Variants in CDC37L1 observed in about 807,000 individuals in gnomAD.
The protein encoded by CDC37L1 is cell division cycle 37 like 1, HSP90 cochaperone.
Under a neutral mutation model 45.9 loss-of-function variants are expected in CDC37L1, and 32 were observed. The observed-to-expected ratio is 0.70, with a 90% CI of 0.53 to 0.94. The LOEUF is 0.94. Among genes scored for constraint, CDC37L1 ranks in the 40% least tolerant of loss-of-function variants. The probability of loss-of-function intolerance (pLI) is 0.00; values close to 1 mark genes in which losing one functional copy is unlikely to be tolerated. For synonymous variants in CDC37L1, 150 were observed against 133.0 expected (o/e 1.13, Z -0.88); for missense variants, 434 against 405.7 (o/e 1.07, Z -0.60).
At chr9:4,682,568 G>A (rs931913402) in intron 1 of CDC37L1, among the ~76,000 whole-genome samples, 3 of 151,636 alleles carry the variant, frequency 2.0e-5, no homozygotes, top group Non-Finnish European at 2.9e-5. Flanking sequence ...CTCGTGATCC[G>A]CCCGCCTCGG....
chr9:4,697,781 G>T lies in CDC37L1; in HGVS notation c.649G>T (p.Ala217Ser). The change falls in exon 5 of 7, where the codon GCA becomes TCA. Residue 217 changes from alanine (A) to serine (S), a missense_variant. Ala to Ser is a moderately conservative substitution (Grantham distance 99). Coordinates refer to ENST00000381854, the MANE Select transcript of CDC37L1 (RefSeq NM_017913.4). ...GAAAGGGGCTTTAATGGAACAAATA[G>T]CACATCAAGCTGTTGTAATGCAGTT... is the stretch of plus-strand genomic sequence containing the variant. Reference protein sequence around the residue: ...EKKGALMEQIAHQAVVMQFIM... With the variant: ...EKKGALMEQISHQAVVMQFIM... 6.5e-7 allele frequency: 1 copy of T among 1,533,934 alleles called. No homozygotes were observed.
chr9:4,697,732 C>T, intron 4 of CDC37L1, 25 bp from the exon 5 acceptor site: 2 of 1,167,128 alleles, frequency 1.7e-6, no homozygotes, highest in Non-Finnish European at 1.2e-6. Flanking sequence ...ATATTTGTTT[C>T]TTATATCATT....
intron 3 of CDC37L1, among the ~76,000 whole-genome samples, chr9:4,691,529 G>T (rs1841300760): frequency 6.6e-6 from 1 of 152,102 alleles, no homozygotes; most frequent in African/African-American, 2.4e-5. Context: ...CCAGTTGGAG[G>T]CTTTCTGGAC....
chr9:4,696,872 A>T (rs2130851391), intron 3 of CDC37L1, among the ~76,000 whole-genome samples: 1 of 152,350 alleles, frequency 6.6e-6, no homozygotes, highest in African/African-American at 2.4e-5. Flanking sequence ...ACTTCCTGTG[A>T]ATTTTAGGAG....
At chr9:4,681,358 G>C (rs140506372) in intron 1 of CDC37L1, among the ~76,000 whole-genome samples, 1 of 152,274 alleles carries the variant, frequency 6.6e-6, no homozygotes, top group African/African-American at 2.4e-5. Context: ...CATGTAACTA[G>C]TTAGTGGCCA....
At chr9:4,685,393 T>C (rs1841238097) in intron 2 of CDC37L1, 1 of 399,482 alleles carries the variant, frequency 2.5e-6, no homozygotes, top group Non-Finnish European at 4.6e-6. Flanking sequence ...TATATAAATG[T>C]ACTGCTGAAC....
At position 4,701,923 on chromosome 9, in the gene CDC37L1, A is replaced by T; in HGVS notation, c.807A>T (p.Arg269Ser). The T allele has an allele frequency of 6.2e-7, 1 of 1,603,226 alleles. No homozygotes were observed. The highest frequency in any genetic ancestry group is 8.5e-7 in the Non-Finnish European group (1 of 1,175,384). Residue 269 changes from arginine (R) to serine (S), a missense_variant, in exon 6 of 7, where the codon AGA becomes AGT. Coordinates refer to ENST00000381854, the MANE Select transcript of CDC37L1 (RefSeq NM_017913.4). ...ATGAACTTGAAGCTTTCAAGTCAAG[A>T]GTAAGACTTTATTCTCAATCACAAA... ...FKNELEAFKS[R>S]VRLYSQSQSF...
intron 1 of CDC37L1, among the ~76,000 whole-genome samples, chr9:4,680,913 C>A (rs1433073305): frequency 6.6e-6 from 1 of 152,194 alleles, no homozygotes; most frequent in Non-Finnish European, 1.5e-5. Context: ...TTATGTCCAG[C>A]TAACAGGGTT....
At chr9:4,683,147 A>C (rs572719107) in intron 1 of CDC37L1, among the ~76,000 whole-genome samples, 2 of 145,894 alleles carry the variant, frequency 1.4e-5, no homozygotes, top group South Asian at 4.2e-4. Context: ...ATATGAATAT[A>C]TATTATAAAA....
chr9:4,708,278 CAAATT>C lies in CDC37L1; in HGVS notation c.*2170_*2174del, dbSNP rs1323179478. 1.3e-5 allele frequency: 2 copies of C among 152,102 alleles called. No homozygotes were observed. Among genetic ancestry groups the C allele is most frequent in the Non-Finnish European group, 2.9e-5 (2 of 68,008 alleles). 9.4% of individuals were successfully genotyped at this position (152,102 alleles called of 1,614,324 possible). ...TTCAGGTTGGACAATTTACCCTAAACAAATTAAACCATGGAAAGTGCAAACACATG... is the reference window on the plus strand; with the variant it reads ...TTCAGGTTGGACAATTTACCCTAAACAAACCATGGAAAGTGCAAACACATG... On this transcript the variant is annotated 3_prime_UTR_variant, in exon 7 of 7. Coordinates refer to ENST00000381854, the MANE Select transcript of CDC37L1 (RefSeq NM_017913.4).
intron 3 of CDC37L1, among the ~76,000 whole-genome samples, chr9:4,696,875 T>C (rs1398920127): frequency 2.0e-5 from 3 of 152,226 alleles, no homozygotes; most frequent in African/African-American, 7.2e-5. Flanking sequence ...TCCTGTGAAT[T>C]TTAGGAGCTA....
At chr9:4,692,209 CATTTA>C (rs1305956506) in intron 3 of CDC37L1, among the ~76,000 whole-genome samples, 1 of 151,540 alleles carries the variant, frequency 6.6e-6, no homozygotes, top group African/African-American at 2.4e-5. Context: ...TTTTGAAAAA[CATTTA>C]ATATAAAGCA....
chr9:4,689,323 C>CT (rs78778632), intron 3 of CDC37L1, among the ~76,000 whole-genome samples: 3,344 of 144,596 alleles, frequency 0.023, 132 homozygotes, highest in African/African-American at 0.079. Flanking sequence ...AGGTTTAAAA[C>CT]TTTTTTTTTT....
intron 1 of CDC37L1, among the ~76,000 whole-genome samples, chr9:4,681,495 T>C (rs967913779): frequency 6.6e-6 from 1 of 151,984 alleles, no homozygotes; most frequent in Admixed American, 6.6e-5. Context: ...AAATACAAAA[T>C]CAGCCTGGTG....
rs761748785 is a variant in CDC37L1, at chr9:4,679,834, G to A, written c.67G>A (p.Glu23Lys). The A allele has an allele frequency of 5.0e-6, 8 of 1,614,000 alleles. No homozygotes were observed. Among genetic ancestry groups the A allele is most frequent in the Admixed American group, 3.3e-5 (2 of 60,032 alleles). Reference sequence around the variant, plus strand: ...TCGGGCCGAGGGTGAGGCTGAGGAAGAGAGTGACTTCGACGTGTTCCCCAG... The same window carrying A: ...TCGGGCCGAGGGTGAGGCTGAGGAAAAGAGTGACTTCGACGTGTTCCCCAG... ...LPRAEGEAEE[E>K]SDFDVFPSSP... is the part of the protein sequence containing the mutation. The change falls in exon 1 of 7, where the codon GAG (glutamate) becomes AAG (lysine). Residue 23 changes from glutamate to lysine, a missense_variant. Physicochemically the swap from Glu to Lys is moderately conservative, Grantham distance 56. Coordinates refer to ENST00000381854, the MANE Select transcript of CDC37L1 (RefSeq NM_017913.4).
intron 3 of CDC37L1, among the ~76,000 whole-genome samples, chr9:4,690,847 G>C (rs564330595): frequency 2.6e-4 from 40 of 152,310 alleles, no homozygotes; most frequent in African/African-American, 8.9e-4. Flanking sequence ...AAGGTAGTAG[G>C]CTCTCAAAAT....
chr9:4,687,552 A>G (rs1196085066), intron 2 of CDC37L1, among the ~76,000 whole-genome samples: 1 of 151,838 alleles, frequency 6.6e-6, no homozygotes, highest in Non-Finnish European at 1.5e-5. Flanking sequence ...GGTGGCTCAC[A>G]CCTGTAGTCC....
In CDC37L1 at chr9:4,707,690, T is replaced by C. The variant is rs921348136; in HGVS notation, c.*1578T>C. On this transcript the variant is annotated 3_prime_UTR_variant, in exon 7 of 7. Transcript: ENST00000381854. Reference sequence around the variant, plus strand: ...TATAGTAGTGTTTGTCAGCCTGTACTTTTTTTTTTTTTAAACCCATGACCT... The same window carrying C: ...TATAGTAGTGTTTGTCAGCCTGTACCTTTTTTTTTTTTAAACCCATGACCT... 3 of 141,488 alleles carry C rather than the reference T, an allele frequency of 2.1e-5. No individual in the cohort carries two copies. The highest frequency in any genetic ancestry group is 1.4e-4 in the Admixed American group (2 of 14,348). 8.8% of individuals were successfully genotyped at this position (141,488 alleles called of 1,614,324 possible).
intron 3 of CDC37L1, among the ~76,000 whole-genome samples, chr9:4,696,279 C>T (rs1400282331): frequency 6.6e-6 from 1 of 152,140 alleles, no homozygotes; most frequent in African/African-American, 2.4e-5. Context: ...GTCAGCTCTA[C>T]AAAATTTCCA....
Sources: allele counts gnomAD v4.1 joint callset (sites outside exome capture counted in the v4.1 genomes callset), GRCh38; gene constraint gnomAD v4.1.1; transcripts MANE v1.5; gene names NCBI Gene and HGNC (gene_info 2026-07-23, HGNC 2026-07-21).